The following FANCD2 variants were observed in gnomAD, a reference collection of about 807,000 sequenced individuals.
FANCD2 encodes the protein FA complementation group D2, also known as Fanconi anemia group D2 protein.
A neutral mutation model predicts 192.3 loss-of-function variants in FANCD2; 131 were observed. That is an observed-to-expected ratio of 0.68 (90% CI 0.59 to 0.79). The LOEUF is 0.79. Ranked by LOEUF, FANCD2 falls within the 30% of genes least tolerant of loss-of-function variation. FANCD2 has a pLI of 0.00. For synonymous variants in FANCD2, 524 were observed against 612.5 expected (o/e 0.86, Z 2.13); for missense variants, 1,508 against 1,701.6 (o/e 0.89, Z 2.00).
chr3:10,087,018 G>A, intron 33 of FANCD2, 116 bp from the exon 34 acceptor site: 2 of 1,102,876 alleles, frequency 1.8e-6, no homozygotes, highest in Non-Finnish European at 2.8e-6. Flanking sequence ...AAATAAGGAG[G>A]ATTCTGATTA....
At chr3:10,054,472 T>C (rs1178190882) in intron 18 of FANCD2, among the ~76,000 whole-genome samples, 1 of 28,760 alleles carries the variant, frequency 3.5e-5, no homozygotes, top group Non-Finnish European at 5.9e-5. Context: ...TATATATATA[T>C]ATTTTTTTTT....
At chr3:10,077,087 G>T (rs1487174274) in intron 29 of FANCD2, among the ~76,000 whole-genome samples, 1 of 151,784 alleles carries the variant, frequency 6.6e-6, no homozygotes, top group Non-Finnish European at 1.5e-5. Flanking sequence ...AAAAAAAGTA[G>T]CCAGGCATGG....
At chr3:10,054,376 TAC>T (rs200732903) in intron 18 of FANCD2, among the ~76,000 whole-genome samples, 4,051 of 112,106 alleles carry the variant, frequency 0.036, 105 homozygotes, top group South Asian at 0.056. Context: ...TACGTGTATA[TAC>T]ATATATATAT....
intron 17 of FANCD2, among the ~76,000 whole-genome samples, chr3:10,050,643 A>C (rs941760422): frequency 6.8e-6 from 1 of 147,730 alleles, no homozygotes; most frequent in Admixed American, 6.7e-5. Context: ...AAAAAAAAAA[A>C]GGCTTAGAAG....
At chr3:10,048,159 T>A (rs539231356) in intron 16 of FANCD2, 108 bp downstream of exon 16, 4 of 1,462,592 alleles carry the variant, frequency 2.7e-6, no homozygotes, top group Non-Finnish European at 2.8e-6. Flanking sequence ...AACTCTGACC[T>A]GGGTCTCAAG....
intron 18 of FANCD2, among the ~76,000 whole-genome samples, chr3:10,056,267 T>C (rs2087409369): frequency 6.6e-6 from 1 of 152,258 alleles, no homozygotes; most frequent in Non-Finnish European, 1.5e-5. Flanking sequence ...ATTTGAATAA[T>C]GTTGCTGTGA....
In FANCD2 at chr3:10,038,014, G is replaced by A. The variant is rs188758267; in HGVS notation, c.492-1265G>A. Among the ~76,000 whole-genome samples the A allele has an allele frequency of 2.2e-3, 342 of 152,140 alleles. 1 individual carries two copies. The highest frequency in any genetic ancestry group is 3.4e-3 in the Middle Eastern group (1 of 294). ...TTTAAAGGTTTACTTATTTTGAGAC[G>A]GAATCTCACTCTGTTGCCCAGGCTA... On this transcript the variant is annotated intron_variant, in intron 7 of 43. Coordinates refer to ENST00000675286, the MANE Select transcript of FANCD2 (RefSeq NM_001018115.3).
chr3:10,095,731 A>G (rs1028631096), intron 41 of FANCD2, among the ~76,000 whole-genome samples: 1 of 152,236 alleles, frequency 6.6e-6, no homozygotes, highest in Non-Finnish European at 1.5e-5. Context: ...AAGCCTTCTT[A>G]TAGTTAATGA....
chr3:10,092,636 C>G (rs6807485), intron 38 of FANCD2, among the ~76,000 whole-genome samples: 18,423 of 149,890 alleles, frequency 0.12, 1,700 homozygotes, highest in African/African-American at 0.26. Context: ...TTTTGCTCAG[C>G]TTGTTCCCCC....
At chr3:10,090,617 C>T (rs1319373970) in intron 37 of FANCD2, among the ~76,000 whole-genome samples, 1 of 151,930 alleles carries the variant, frequency 6.6e-6, no homozygotes, top group Non-Finnish European at 1.5e-5. Context: ...CGCCACCACA[C>T]CCGGCTAATT....
At chr3:10,077,280 G>A (rs1693589100) in intron 29 of FANCD2, among the ~76,000 whole-genome samples, 1 of 152,072 alleles carries the variant, frequency 6.6e-6, no homozygotes, top group Non-Finnish European at 1.5e-5. Flanking sequence ...TACCCTGCTG[G>A]GCGCAGTGGC....
intron 7 of FANCD2, 65 bp from the exon 8 acceptor site, chr3:10,039,213 AT>A (rs1208207750): frequency 8.4e-7 from 1 of 1,188,848 alleles, no homozygotes; most frequent in African/African-American, 1.5e-5. Flanking sequence ...TTTGTGCAGT[AT>A]TAATGCTTGC....
intron 18 of FANCD2, among the ~76,000 whole-genome samples, chr3:10,059,860 A>C (rs2087514372): frequency 6.6e-6 from 1 of 151,636 alleles, no homozygotes; most frequent in African/African-American, 2.4e-5. Context: ...AAACTTGGAG[A>C]GATGAATTGA....
chr3:10,070,616 G>A (rs1168657921), intron 26 of FANCD2, among the ~76,000 whole-genome samples: 7 of 142,980 alleles, frequency 4.9e-5, no homozygotes, highest in East Asian at 4.1e-4. Flanking sequence ...CCACCACCCC[G>A]TCTGGGAGGT....
At chr3:10,099,407 G>A in intron 43 of FANCD2, 1 of 967,432 alleles carries the variant, frequency 1.0e-6, no homozygotes, top group Non-Finnish European at 1.3e-6. Context: ...AGGATTGCTT[G>A]AGTCCGGGAG....
intron 29 of FANCD2, among the ~76,000 whole-genome samples, 180 bp from the exon 30 acceptor site, chr3:10,077,901 G>A (rs1333201001): frequency 6.6e-6 from 1 of 152,098 alleles, no homozygotes; most frequent in Non-Finnish European, 1.5e-5. Flanking sequence ...GGGCATGGTT[G>A]TGTGTGCCTA....
rs375386329 is a variant in FANCD2, at chr3:10,043,811, T to C, written c.1099-18T>C. The C allele has an allele frequency of 9.3e-6, 15 of 1,612,546 alleles. No homozygotes were observed. In the African/African-American group the frequency reaches 1.9e-4, roughly 20 times the overall value. ...TGATGTGTCATAATATTTTTGTGAC[T>C]CTCTCCTGTTTTTTCAGGCAATTGA... is the stretch of plus-strand genomic sequence containing the variant. On this transcript the variant is annotated intron_variant, in intron 13 of 43. Transcript: ENST00000675286.
In FANCD2 at chr3:10,063,644, C is replaced by T. The variant is rs1188819055; in HGVS notation, c.1828-148C>T. The stretch of plus-strand genomic sequence containing the variant: ...AGGGATGATATCAGAAGGAGACAGA[C>T]GGGTCAGAACATTCAGGAAAACTTC... On this transcript the variant is annotated intron_variant, in intron 20 of 43. Transcript: ENST00000675286. 127 of 979,492 alleles carry T rather than the reference C, an allele frequency of 1.3e-4. 2 individuals are homozygous for T. In the East Asian group the frequency reaches 1.4e-3, roughly 11 times the overall value. 60.7% of individuals were successfully genotyped at this position (979,492 alleles called of 1,614,324 possible). A position where few individuals can be genotyped will look rare whatever the true frequency, so the allele number is the denominator to read the frequency against.
chr3:10,027,163 C>A (rs996615476), intron 1 of FANCD2, among the ~76,000 whole-genome samples: 1 of 152,136 alleles, frequency 6.6e-6, no homozygotes, highest in Non-Finnish European at 1.5e-5. Context: ...TTTCCTTATG[C>A]CGGTAACTAT....
Sources: allele counts gnomAD v4.1 joint callset (sites outside exome capture counted in the v4.1 genomes callset), GRCh38; gene constraint gnomAD v4.1.1; transcripts MANE v1.5; gene names NCBI Gene and HGNC (gene_info 2026-07-23, HGNC 2026-07-21).